The following COL22A1 variants were observed in gnomAD, a reference collection of about 807,000 sequenced individuals.
COL22A1 encodes collagen type XXII alpha 1 chain.
COL22A1 carries 221 observed loss-of-function variants against 248.9 expected under a neutral mutation model. That is an observed-to-expected ratio of 0.89 (90% CI 0.80 to 0.99). COL22A1 has a LOEUF of 0.99. Ranked by LOEUF, COL22A1 falls within the 50% of genes least tolerant of loss-of-function variation. The probability of loss-of-function intolerance (pLI) is 0.00; values close to 1 mark genes in which losing one functional copy is unlikely to be tolerated. For missense variants in COL22A1, 2,240 were observed against 2,179.0 expected (o/e 1.03, Z -0.56); for synonymous variants, 891 against 793.4 (o/e 1.12, Z -2.07).
chr8:138,595,645 C>A (rs569774747), intron 62 of COL22A1, among the ~76,000 whole-genome samples: 1 of 152,020 alleles, frequency 6.6e-6, no homozygotes, highest in Non-Finnish European at 1.5e-5. Context: ...GGAAAAAGAT[C>A]GTGTTCTTTT....
At chr8:138,778,494 T>C (rs368423593) in intron 14 of COL22A1, 88 bp from the exon 15 acceptor site, 1 of 1,201,546 alleles carries the variant, frequency 8.3e-7, no homozygotes, top group Non-Finnish European at 1.2e-6. Context: ...CCACGTTTGG[T>C]GACAAGAGCT....
intron 9 of COL22A1, among the ~76,000 whole-genome samples, chr8:138,809,196 C>G (rs564552495): frequency 3.3e-5 from 5 of 152,252 alleles, no homozygotes; most frequent in South Asian, 2.1e-4. Flanking sequence ...CCTTCTCACC[C>G]CCCTGTGCTT....
At chr8:138,655,344 C>T (rs1315878528) in intron 45 of COL22A1, among the ~76,000 whole-genome samples, 1 of 151,972 alleles carries the variant, frequency 6.6e-6, no homozygotes, top group African/African-American at 2.4e-5. Flanking sequence ...GATCAAGCAC[C>T]TAAATTTTTA....
rs550964056 is a variant in COL22A1, at chr8:138,691,789, G to C, written c.2755-915C>G. Among the ~76,000 whole-genome samples, 12 of 144,340 alleles carry C rather than the reference G, an allele frequency of 8.3e-5. No individual in the cohort carries two copies. The East Asian group carries it at 2.5e-3, about 31-fold the overall frequency. 94.7% of individuals were successfully genotyped at this position (144,340 alleles called of 152,430 possible). A position where few individuals can be genotyped will look rare whatever the true frequency, so the allele number is the denominator to read the frequency against. On this transcript the variant is annotated intron_variant, in intron 35 of 64. Transcript: ENST00000303045. ...ACACGTAAGTGTGTGCATGTTTGTGGAGGTGTGTGTGTGTACGTGTGTGTG... is the reference window on the plus strand; with the variant it reads ...ACACGTAAGTGTGTGCATGTTTGTGCAGGTGTGTGTGTGTACGTGTGTGTG...
At chr8:138,678,613 A>G (rs1825741674) in intron 40 of COL22A1, among the ~76,000 whole-genome samples, 1 of 152,178 alleles carries the variant, frequency 6.6e-6, no homozygotes, top group Non-Finnish European at 1.5e-5. Flanking sequence ...AACAAGTGTC[A>G]TGAACCAAGA....
At chr8:138,727,570 AT>A (rs1487687695) in intron 23 of COL22A1, among the ~76,000 whole-genome samples, 1 of 152,172 alleles carries the variant, frequency 6.6e-6, no homozygotes, top group Non-Finnish European at 1.5e-5. Flanking sequence ...AGGGCGAGAA[AT>A]ACCAAAAAAT....
At chr8:138,876,753 CT>C (rs1209794737) in intron 3 of COL22A1, among the ~76,000 whole-genome samples, 1 of 152,178 alleles carries the variant, frequency 6.6e-6, no homozygotes, top group African/African-American at 2.4e-5. Flanking sequence ...GCCCCCAAAG[CT>C]TTCCCTGCCC....
At chr8:138,827,075 T>C (rs925670497) in intron 5 of COL22A1, 16 of 382,472 alleles carry the variant, frequency 4.2e-5, no homozygotes, top group Admixed American at 3.2e-4. Flanking sequence ...ACATCCACAG[T>C]AAACGCTAAA....
intron 30 of COL22A1, among the ~76,000 whole-genome samples, chr8:138,706,196 T>C (rs1365731233): frequency 6.6e-6 from 1 of 152,166 alleles, no homozygotes; most frequent in Non-Finnish European, 1.5e-5. Context: ...TGGGAGACTT[T>C]AACACCCCAC....
intron 1 of COL22A1, among the ~76,000 whole-genome samples, chr8:138,886,745 C>T (rs961827840): frequency 7.9e-5 from 12 of 152,180 alleles, no homozygotes; most frequent in Non-Finnish European, 1.3e-4. Context: ...CACGTTCATG[C>T]TATGAGCTAG....
chr8:138,810,759 A>G (rs1818141907), intron 9 of COL22A1, among the ~76,000 whole-genome samples: 1 of 152,190 alleles, frequency 6.6e-6, no homozygotes, highest in Non-Finnish European at 1.5e-5. Flanking sequence ...GAGAGAGGGG[A>G]AGGAAGCCAG....
At chr8:138,818,132 C>G (rs976849608) in intron 7 of COL22A1, among the ~76,000 whole-genome samples, 2 of 152,156 alleles carry the variant, frequency 1.3e-5, no homozygotes, top group Non-Finnish European at 2.9e-5. Flanking sequence ...TCGTTATTCC[C>G]TCTGAGCCTC....
intron 16 of COL22A1, among the ~76,000 whole-genome samples, chr8:138,771,236 T>G (rs908058272): frequency 6.6e-6 from 1 of 152,148 alleles, no homozygotes; most frequent in Non-Finnish European, 1.5e-5. Flanking sequence ...TTCCTGAGCT[T>G]ACCCCAAAGG....
intron 1 of COL22A1, among the ~76,000 whole-genome samples, chr8:138,887,101 G>A (rs977359755): frequency 4.6e-5 from 7 of 151,986 alleles, no homozygotes; most frequent in Admixed American, 2.6e-4. Context: ...AATTATTATT[G>A]ACTATAGTCA....
At position 138,884,490 on chromosome 8, in the gene COL22A1, T is replaced by C. The variant is rs1003615254; in HGVS notation, c.-72-1246A>G. On this transcript the variant is annotated intron_variant, in intron 1 of 64. Coordinates refer to ENST00000303045, the MANE Select transcript of COL22A1 (RefSeq NM_152888.3). ...TTGGGCAAACAATCCTCATAAGGGT[T>C]ATTCTGCTTCAAATAATTGGTGAAT... 1.4e-4 allele frequency among the ~76,000 whole-genome samples: 22 copies of C among 152,362 alleles called. 2 individuals carry two copies. The highest frequency in any genetic ancestry group is 1.4e-3 in the Admixed American group (21 of 15,308).
At chr8:138,693,497 G>T in intron 35 of COL22A1, 149 bp downstream of exon 35, 1 of 736,982 alleles carries the variant, frequency 1.4e-6, no homozygotes, top group South Asian at 1.6e-5. Context: ...TCTCCGTGCT[G>T]ACTCCCACCA....
chr8:138,806,097 ATGGTGTGTTTGTGTGT>A (rs1817665355), intron 10 of COL22A1, among the ~76,000 whole-genome samples: 1 of 23,238 alleles, frequency 4.3e-5, no homozygotes, highest in Non-Finnish European at 7.0e-5. Context: ...ATGGTGTGTG[ATGGTGTGTTTGTGTGT>A]GATGGTGTAG....
chr8:138,779,972 T>C (rs944738023), intron 13 of COL22A1, among the ~76,000 whole-genome samples: 3 of 152,182 alleles, frequency 2.0e-5, no homozygotes, highest in East Asian at 1.9e-4. Context: ...TTGTTGCCTA[T>C]GCTGGCCTTG....
At chr8:138,715,760 A>G (rs754022544) in intron 29 of COL22A1, 25 bp from the exon 30 acceptor site, 11 of 1,568,666 alleles carry the variant, frequency 7.0e-6, no homozygotes, top group African/African-American at 5.4e-5. Context: ...AAAATTAGAA[A>G]ACATTAGAAC....
Sources: gnomAD v4.1 joint callset for allele counts (sites outside exome capture counted in the v4.1 genomes callset) on GRCh38, gnomAD v4.1.1 for gene constraint, MANE v1.5 for transcripts, NCBI Gene and HGNC (gene_info 2026-07-23, HGNC 2026-07-21) for gene names.